The following EIF4E3 variants were observed in gnomAD, a reference collection of about 807,000 sequenced individuals.
EIF4E3 encodes eukaryotic translation initiation factor 4E family member 3, also known as eukaryotic translation initiation factor 4E type 3.
Under a neutral mutation model 31.7 loss-of-function variants are expected in EIF4E3, and 26 were observed. The observed-to-expected ratio is 0.82, with a 90% CI of 0.60 to 1.14. EIF4E3 has a LOEUF of 1.14. Among genes scored for constraint, EIF4E3 ranks in the 50% most tolerant of loss-of-function variants. The pLI, the probability that EIF4E3 is intolerant of heterozygous loss-of-function variation, is 0.00. For synonymous variants in EIF4E3, 128 were observed against 107.7 expected (o/e 1.19, Z -1.17); for missense variants, 304 against 270.9 (o/e 1.12, Z -0.86).
intron 2 of EIF4E3, among the ~76,000 whole-genome samples, chr3:71,707,684 C>T (rs1037914772): frequency 6.6e-6 from 1 of 151,744 alleles, no homozygotes; most frequent in Non-Finnish European, 1.5e-5. Flanking sequence ...ACAGAGACAC[C>T]GTATGTTTAT....
At chr3:71,692,489 A>G (rs2049076140) in intron 5 of EIF4E3, among the ~76,000 whole-genome samples, 3 of 152,278 alleles carry the variant, frequency 2.0e-5, no homozygotes, top group Middle Eastern at 6.8e-3. Flanking sequence ...TGTGTTTATA[A>G]TTATACACAG....
At chr3:71,703,624 T>C (rs1166002536) in intron 2 of EIF4E3, among the ~76,000 whole-genome samples, 1 of 152,112 alleles carries the variant, frequency 6.6e-6, no homozygotes, top group Non-Finnish European at 1.5e-5. Context: ...TTCTGCCAAA[T>C]AGATAATCAT....
intron 3 of EIF4E3, among the ~76,000 whole-genome samples, chr3:71,699,098 A>C (rs1003973123): frequency 6.6e-6 from 1 of 151,990 alleles, no homozygotes; most frequent in South Asian, 2.1e-4. Context: ...GTGGTGGCAC[A>C]CACCTGTAGT....
intron 5 of EIF4E3, among the ~76,000 whole-genome samples, chr3:71,690,522 C>T (rs1473505602): frequency 3.3e-5 from 5 of 152,304 alleles, no homozygotes; most frequent in African/African-American, 1.2e-4. Context: ...ATTCCCTGCC[C>T]TCTGAAAGCC....
At chr3:71,754,541 C>T, upstream of EIF4E3, 1 of 1,346,894 alleles carries the variant, frequency 7.4e-7, no homozygotes. The surrounding 1 kb of genome is among the most constrained non-coding windows in gnomAD (Gnocchi z 5.8). Flanking sequence ...ACGGCGGTGG[C>T]GACGACGAGG....
chr3:71,752,220 C>T (rs1017203802), intron 1 of EIF4E3, among the ~76,000 whole-genome samples: 2 of 152,172 alleles, frequency 1.3e-5, no homozygotes, highest in African/African-American at 4.8e-5. Flanking sequence ...CCTCCGGCCC[C>T]ATTCCAGAAC....
intron 4 of EIF4E3, among the ~76,000 whole-genome samples, chr3:71,695,399 G>A (rs181496785): frequency 1.5e-3 from 229 of 152,268 alleles, no homozygotes; most frequent in Admixed American, 3.5e-3. Flanking sequence ...CCTTTCAGCC[G>A]CTTTTCAAGG....
At chr3:71,732,661 A>G (rs1479999519) in intron 1 of EIF4E3, among the ~76,000 whole-genome samples, 2 of 152,242 alleles carry the variant, frequency 1.3e-5, no homozygotes, top group African/African-American at 4.8e-5. Flanking sequence ...CAGCCAATCA[A>G]TCAGAGATAC....
At chr3:71,694,509 C>T (rs2049107410) in intron 4 of EIF4E3, among the ~76,000 whole-genome samples, 1 of 152,082 alleles carries the variant, frequency 6.6e-6, no homozygotes, top group Admixed American at 6.6e-5. Flanking sequence ...ATGTAATTTC[C>T]CTGGAAGATT....
chr3:71,717,248 A>C (rs924891321), intron 1 of EIF4E3, among the ~76,000 whole-genome samples: 1 of 152,230 alleles, frequency 6.6e-6, no homozygotes, highest in Non-Finnish European at 1.5e-5. Context: ...TGTGATTTGC[A>C]TGTACATTAG....
intron 1 of EIF4E3, among the ~76,000 whole-genome samples, chr3:71,748,667 G>A (rs891455721): frequency 6.6e-6 from 1 of 152,090 alleles, no homozygotes; most frequent in Non-Finnish European, 1.5e-5. Context: ...GAACAGGAAC[G>A]ATATGCCAAC....
At chr3:71,726,289 G>A (rs1409513234), upstream of EIF4E3, among the ~76,000 whole-genome samples, 1 of 152,156 alleles carries the variant, frequency 6.6e-6, no homozygotes, top group Non-Finnish European at 1.5e-5. Context: ...GAGGAAAGCG[G>A]GCACCTGTGA....
At chr3:71,706,965 G>A (rs574676801) in intron 2 of EIF4E3, among the ~76,000 whole-genome samples, 6 of 152,248 alleles carry the variant, frequency 3.9e-5, no homozygotes, top group East Asian at 1.9e-4. Context: ...ATGGACACTC[G>A]CAGGCTGAAA....
chr3:71,736,655 G>C (rs2049766657), intron 1 of EIF4E3, among the ~76,000 whole-genome samples: 1 of 152,224 alleles, frequency 6.6e-6, no homozygotes, highest in African/African-American at 2.4e-5. Flanking sequence ...AGGTGTAGGA[G>C]AGGAAGGAAT....
chr3:71,725,536 G>A (rs1278905834), upstream of EIF4E3, among the ~76,000 whole-genome samples: 5 of 150,032 alleles, frequency 3.3e-5, no homozygotes, highest in African/African-American at 1.2e-4. This position sits in a 1 kb window ranked among gnomAD's most constrained non-coding sequence, Gnocchi z 6.1. Context: ...TGGGAGCCGC[G>A]CGGAGGGGCC....
At chr3:71,741,987 T>C (rs1206730555) in intron 1 of EIF4E3, among the ~76,000 whole-genome samples, 1 of 152,158 alleles carries the variant, frequency 6.6e-6, no homozygotes, top group Admixed American at 6.5e-5. Flanking sequence ...AAAACACCTA[T>C]CAAATTCATG....
At chr3:71,735,182 A>G (rs1331367034) in intron 1 of EIF4E3, among the ~76,000 whole-genome samples, 1 of 152,232 alleles carries the variant, frequency 6.6e-6, no homozygotes, top group Non-Finnish European at 1.5e-5. Flanking sequence ...AGATTGGTGT[A>G]GCTGAAATCC....
chr3:71,663,191 G>A, the EIF4E3 span, among the ~76,000 whole-genome samples: 51 of 152,288 alleles, frequency 3.3e-4, no homozygotes, highest in Middle Eastern at 3.4e-3. Flanking sequence ...GACACTGGGC[G>A]AAGGATGGGT....
Position 71,709,924 on chromosome 3 carries a change from C to T in EIF4E3, c.249+488G>A, listed in dbSNP as rs61606325. 8.6e-3 allele frequency among the ~76,000 whole-genome samples: 1,301 copies of T among 152,048 alleles called. 15 individuals carry two copies. The highest frequency in any genetic ancestry group is 0.03 in the African/African-American group (1,240 of 41,474). Reference sequence around the variant, plus strand: ...TGCCTAATTTAGGATGATGGAATTGCGAAGTGAAGTAGGAAACCAAGCAGA... The same window carrying T: ...TGCCTAATTTAGGATGATGGAATTGTGAAGTGAAGTAGGAAACCAAGCAGA... On this transcript the variant is annotated intron_variant, in intron 2 of 6. Coordinates refer to ENST00000425534, the MANE Select transcript of EIF4E3 (RefSeq NM_001134651.2).
Sources: gnomAD v4.1 joint callset for allele counts (sites outside exome capture counted in the v4.1 genomes callset) on GRCh38, gnomAD v4.1.1 for gene constraint, Gnocchi (gnomAD v3.1) non-coding constraint, MANE v1.5 for transcripts, NCBI Gene and HGNC (gene_info 2026-07-23, HGNC 2026-07-21) for gene names.